The following LRRC71 variants were observed in gnomAD, a reference collection of about 807,000 sequenced individuals.
LRRC71 encodes the protein leucine-rich repeat-containing protein 71.
LRRC71 carries 54 observed loss-of-function variants against 66.6 expected under a neutral mutation model. The ratio of observed to expected loss-of-function variants is 0.81; its 90% CI spans 0.65 to 1.02. LRRC71 has a LOEUF of 1.02. Ranked by LOEUF, LRRC71 falls within the 50% of genes least tolerant of loss-of-function variation. The pLI is 0.00. For missense variants in LRRC71, 724 were observed against 718.0 expected (o/e 1.01, Z -0.10); for synonymous variants, 323 against 303.9 (o/e 1.06, Z -0.65).
rs1553189698 is a variant in LRRC71, at chr1:156,930,060, TTTTC to T, written c.1240+347_1240+350del. On this transcript the variant is annotated intron_variant, in intron 11 of 14. Transcript: ENST00000337428. ...TCTTTCTTTCTCTTTCTTTCTTTCT[TTTTC>T]TTTCTTTCTTTCTTTTCTTTCTTTC... is the stretch of plus-strand genomic sequence containing the variant. 5.1e-4 allele frequency among the ~76,000 whole-genome samples: 64 copies of T among 126,234 alleles called. 1 individual carries two copies. The highest frequency in any genetic ancestry group is 4.9e-3 in the East Asian group (20 of 4,068). The allele number at this position is 126,234 out of a possible 152,430, so 82.8% of individuals were successfully genotyped here.
downstream of LRRC71, chr1:156,937,135 C>T: frequency 1.3e-6 from 2 of 1,571,354 alleles, no homozygotes; most frequent in Admixed American, 1.8e-5. Context: ...GGGGAAGATC[C>T]CTGGGCCAGG....
intron 1 of LRRC71, chr1:156,921,712 AACACACACACACACAC>A (rs34547094): frequency 2.3e-4 from 64 of 278,566 alleles, no homozygotes; most frequent in African/African-American, 9.3e-4. Flanking sequence ...TTACATTCAA[AACACACACACACACAC>A]ACACACACAC....
At chr1:156,921,845 A>G (rs879624996) in intron 1 of LRRC71, among the ~76,000 whole-genome samples, 35 of 152,198 alleles carry the variant, frequency 2.3e-4, no homozygotes, top group Non-Finnish European at 4.1e-4. Flanking sequence ...TAGTCTGGGG[A>G]CAGTGGGAGT....
At position 156,920,702 on chromosome 1, in the gene LRRC71, A is replaced by C; in HGVS notation, c.-102A>C. The C allele has an allele frequency of 3.9e-6, 5 of 1,294,032 alleles. No individual in the cohort carries two copies. The highest frequency in any genetic ancestry group is 5.0e-6 in the Non-Finnish European group (5 of 1,002,992). The allele number at this position is 1,294,032 out of a possible 1,614,324, so 80.2% of individuals were successfully genotyped here. On this transcript the variant is annotated 5_prime_UTR_variant, in exon 1 of 15. Coordinates refer to ENST00000337428, the MANE Select transcript of LRRC71 (RefSeq NM_144702.3). The surrounding 1 kb of genome is among the most constrained non-coding windows in gnomAD (Gnocchi z 4.9). ...CGGATCCGGTCCCTGGACGCGGAAC[A>C]GAGATCCCCTGATTCAGCCACCCCC...
chr1:156,932,875 G>A lies in LRRC71; in HGVS notation c.1586G>A (p.Cys529Tyr). The A allele has an allele frequency of 6.2e-7, 1 of 1,607,868 alleles. No individual in the cohort carries two copies. The highest frequency in any genetic ancestry group is 1.1e-5 in the South Asian group (1 of 89,824). The change falls in exon 15 of 15, where the codon TGT (cysteine) becomes TAT (tyrosine). Residue 529 changes from cysteine (C) to tyrosine (Y), a missense_variant. By Grantham distance (194) the Cys-to-Tyr change is radical (BLOSUM62 -2). Transcript: ENST00000337428. Reference protein sequence around the residue: ...SLAKNCFAPQCPAYAIIQELM... With the variant: ...SLAKNCFAPQYPAYAIIQELM... ...CAGAAAAATTGCTTCGCCCCACAAT[G>A]TCCTGCGTACGCCATAATCCAGGAG...
In LRRC71 at chr1:156,929,372, C is replaced by G. The variant is rs1201959463; in HGVS notation, c.1089C>G (p.Asp363Glu). 2 of 1,613,712 alleles carry G rather than the reference C, an allele frequency of 1.2e-6. No individual in the cohort carries two copies. The highest frequency in any genetic ancestry group is 1.7e-5 in the Admixed American group (1 of 59,978). The change falls in exon 10 of 15, where the codon GAC becomes GAG. Residue 363 changes from aspartate to glutamate, a missense_variant. By Grantham distance (45) the Asp-to-Glu change is conservative (BLOSUM62 2). Transcript: ENST00000337428. ...ATAGTGCATTGGTGGACAAGACAGA[C>G]AAGACGCAGACAATGAAAACCCCTA... ...ISNSALVDKT[D>E]KTQTMKTPKG...
chr1:156,938,689 T>C, the LRRC71 span: 10 of 526,142 alleles, frequency 1.9e-5, no homozygotes, highest in Non-Finnish European at 3.3e-5. Context: ...CAGAGAACTT[T>C]CCACCAATTC....
chr1:156,939,975 G>A, the LRRC71 span: 1 of 1,574,066 alleles, frequency 6.4e-7, no homozygotes, highest in Non-Finnish European at 8.5e-7. Context: ...AAGGATCGTT[G>A]TACTGCCCCA....
At chr1:156,921,406 G>C (rs1295630420) in intron 1 of LRRC71, among the ~76,000 whole-genome samples, 2 of 152,190 alleles carry the variant, frequency 1.3e-5, no homozygotes, top group Non-Finnish European at 2.9e-5. Flanking sequence ...GTAGAGGTAT[G>C]GCCCTTTTTG....
At chr1:156,936,836 A>AG (rs1371852331), downstream of LRRC71, 1 of 1,613,788 alleles carries the variant, frequency 6.2e-7, no homozygotes, top group African/African-American at 1.3e-5. Context: ...GCAGGGCCCC[A>AG]GTTCATGGCT....
intron 5 of LRRC71, 118 bp downstream of exon 5, chr1:156,925,133 C>A: frequency 1.1e-6 from 1 of 923,528 alleles, no homozygotes; most frequent in Non-Finnish European, 1.7e-6. Flanking sequence ...CCTGGCATCC[C>A]TGTGGAAGCA....
chr1:156,928,856 C>A (rs1052657452), intron 9 of LRRC71, among the ~76,000 whole-genome samples: 1 of 152,072 alleles, frequency 6.6e-6, no homozygotes, highest in Admixed American at 6.6e-5. Context: ...CAGGCGTGAG[C>A]CACTGCACCT....
In LRRC71 at chr1:156,931,971, G is replaced by A. The variant is rs1403361021; in HGVS notation, c.1385G>A (p.Arg462Gln). ...CCTCTCCTGGAGCCTGTGGAGCACC[G>A]AGATGGGAAAGTTTTCATGCCTGGG... ...VNPLLEPVEHRDGKVFMPGNK... is the reference protein window; with the variant it reads ...VNPLLEPVEHQDGKVFMPGNK... Residue 462 changes from arginine (R) to glutamine (Q), a missense_variant, in exon 13 of 15, where the codon CGA (arginine) becomes CAA (glutamine). Coordinates refer to ENST00000337428, the MANE Select transcript of LRRC71 (RefSeq NM_144702.3). The A allele has an allele frequency of 9.4e-6, 15 of 1,601,430 alleles. No individual in the cohort carries two copies. The highest frequency in any genetic ancestry group is 1.3e-5 in the African/African-American group (1 of 74,726).
At position 156,927,758 on chromosome 1, in the gene LRRC71, T is replaced by C; in HGVS notation, c.848T>C (p.Leu283Pro). Residue 283 changes from leucine (L) to proline (P), a missense_variant, in exon 8 of 15, where the codon CTC (leucine) becomes CCC (proline). Physicochemically the swap from Leu to Pro is moderately conservative, Grantham distance 98. Transcript: ENST00000337428. ...GGCCTCCGGCTGAACCGTTCCCTGC[T>C]CTGGCTGTCCCTGGCCCACAACCGC... ...ADGLRLNRSL[L>P]WLSLAHNRIQ... is the part of the protein sequence containing the mutation. 6.2e-7 allele frequency: 1 copy of C among 1,611,340 alleles called. No homozygotes were observed. Among genetic ancestry groups the C allele is most frequent in the South Asian group, 1.1e-5 (1 of 91,080 alleles).
Position 156,920,917 on chromosome 1 carries a change from AGCG to A in LRRC71, c.115_117del (p.Ala39del), listed in dbSNP as rs1341103028. 10 of 1,541,378 alleles carry A rather than the reference AGCG, an allele frequency of 6.5e-6. No individual in the cohort carries two copies. Among genetic ancestry groups the A allele is most frequent in the Non-Finnish European group, 8.8e-6 (10 of 1,142,614 alleles). On this transcript the variant is annotated inframe_deletion, in exon 1 of 15. Transcript: ENST00000337428. This position sits in a 1 kb window ranked among gnomAD's most constrained non-coding sequence, Gnocchi z 4.9. ...GAGAGCGCGCGGCCAAAGAGAAGCC[AGCG>A]ACCGTTCTGCCTCCCGTGGGGGAGG...
At chr1:156,931,262 G>A (rs939543370) in intron 12 of LRRC71, among the ~76,000 whole-genome samples, 6 of 152,078 alleles carry the variant, frequency 3.9e-5, no homozygotes, top group Non-Finnish European at 8.8e-5. Context: ...TCCATTGGAA[G>A]ACTCCCTGCA....
At chr1:156,925,365 T>G (rs865956703) in intron 5 of LRRC71, among the ~76,000 whole-genome samples, 3 of 152,278 alleles carry the variant, frequency 2.0e-5, no homozygotes, top group Middle Eastern at 6.8e-3. Flanking sequence ...GAAACAGTTC[T>G]TATCCTCCAG....
At chr1:156,940,351 C>T in the LRRC71 span, 1 of 1,613,844 alleles carries the variant, frequency 6.2e-7, no homozygotes. Context: ...TCCTCTTCCT[C>T]TGCACTGCCC....
At chr1:156,929,538 C>A in intron 10 of LRRC71, 98 bp from the exon 11 acceptor site, 1 of 1,545,726 alleles carries the variant, frequency 6.5e-7, no homozygotes, top group East Asian at 2.4e-5. Flanking sequence ...TTTGAAGTTC[C>A]CCCTAAGGCC....
Sources: gnomAD v4.1 joint callset for allele counts (sites outside exome capture counted in the v4.1 genomes callset) on GRCh38, gnomAD v4.1.1 for gene constraint, Gnocchi (gnomAD v3.1) non-coding constraint, MANE v1.5 for transcripts, NCBI Gene and HGNC (gene_info 2026-07-23, HGNC 2026-07-21) for gene names.